The following ADGRL2 variants were observed in gnomAD, a reference collection of about 807,000 sequenced individuals.
ADGRL2 encodes the protein calcium-independent alpha-latrotoxin receptor 2.
A neutral mutation model predicts 157.4 loss-of-function variants in ADGRL2; 44 were observed. The observed-to-expected ratio is 0.28, with a 90% CI of 0.22 to 0.36. The LOEUF (loss-of-function observed/expected upper bound fraction) is 0.36. ADGRL2 is among the 10% of genes least tolerant of loss of function. The probability of loss-of-function intolerance (pLI) is 1.00; values close to 1 mark genes in which losing one functional copy is unlikely to be tolerated. For synonymous variants in ADGRL2, 585 were observed against 624.7 expected (o/e 0.94, Z 0.95); for missense variants, 1,510 against 1,768.9 (o/e 0.85, Z 2.63).
chr1:81,979,949 G>C lies in ADGRL2; in HGVS notation c.3102G>C (p.Leu1034Phe). Residue 1034 changes from leucine to phenylalanine, a missense_variant, in exon 18 of 24, where the codon TTG becomes TTC. Leu to Phe is a conservative substitution (Grantham distance 22, BLOSUM62 0). Coordinates refer to ENST00000686636, the MANE Select transcript of ADGRL2 (RefSeq NM_001366006.2). ...SNTLKPDSSR[L>F]ENIKSWVLGA... ...CTTTGAAACCAGATTCTAGCAGGTT[G>C]GAAAACATTAAGTAAGTATTTTGTA... is the stretch of plus-strand genomic sequence containing the variant. The C allele has an allele frequency of 6.3e-7, 1 of 1,591,186 alleles. No individual in the cohort carries two copies. Among genetic ancestry groups the C allele is most frequent in the East Asian group, 2.2e-5 (1 of 44,568 alleles).
intron 2 of ADGRL2, among the ~76,000 whole-genome samples, chr1:81,869,811 T>G (rs1187300362): frequency 2.6e-5 from 4 of 152,068 alleles, no homozygotes; most frequent in Non-Finnish European, 5.9e-5. Context: ...ATTAAAATTT[T>G]TTAGATTTAA....
chr1:81,874,382 T>C (rs2093774562), intron 2 of ADGRL2, among the ~76,000 whole-genome samples: 1 of 152,142 alleles, frequency 6.6e-6, no homozygotes, highest in Admixed American at 6.6e-5. Flanking sequence ...TTATCAAAAG[T>C]AACAGTCAAC....
At chr1:81,829,981 C>T (rs910777712) in intron 1 of ADGRL2, among the ~76,000 whole-genome samples, 2 of 152,128 alleles carry the variant, frequency 1.3e-5, no homozygotes, top group Non-Finnish European at 2.9e-5. Context: ...GTACACGTCT[C>T]AAGGAAACAC....
At chr1:81,501,208 TA>T (rs921649757) in intron 2 of ADGRL2, among the ~76,000 whole-genome samples, 6 of 152,260 alleles carry the variant, frequency 3.9e-5, no homozygotes, top group African/African-American at 1.4e-4. Flanking sequence ...CTTGGATTTA[TA>T]AAACTTACTC....
chr1:81,540,167 C>T (rs2079847616), intron 2 of ADGRL2, among the ~76,000 whole-genome samples: 1 of 152,054 alleles, frequency 6.6e-6, no homozygotes, highest in African/African-American at 2.4e-5. Flanking sequence ...AGTATAATAG[C>T]CAGGACATCA....
At chr1:81,460,828 T>C (rs984197144) in intron 2 of ADGRL2, among the ~76,000 whole-genome samples, 3 of 152,236 alleles carry the variant, frequency 2.0e-5, no homozygotes, top group Non-Finnish European at 4.4e-5. Flanking sequence ...ATAGGAAACA[T>C]TGCAGTGGAC....
intron 11 of ADGRL2, among the ~76,000 whole-genome samples, chr1:81,965,450 T>C (rs1656769799): frequency 1.3e-5 from 2 of 152,194 alleles, no homozygotes; most frequent in Non-Finnish European, 2.9e-5. Context: ...TGGGAAGTTT[T>C]AACATAATGA....
intron 1 of ADGRL2, among the ~76,000 whole-genome samples, chr1:81,316,840 C>A (rs1046293512): frequency 1.3e-5 from 2 of 152,116 alleles, no homozygotes; most frequent in African/African-American, 4.8e-5. Context: ...TTGTAAACAT[C>A]CAGATCCCAG....
chr1:81,841,322 A>G (rs1040186030), intron 2 of ADGRL2, among the ~76,000 whole-genome samples: 11 of 152,254 alleles, frequency 7.2e-5, no homozygotes, highest in African/African-American at 2.6e-4. Context: ...GCCAGTTTTT[A>G]CTGTACTTTT....
In ADGRL2 at chr1:81,863,758, G is replaced by A. The variant is rs114977651; in HGVS notation, c.73+26701G>A. Among the ~76,000 whole-genome samples, 746 of 152,264 alleles carry A rather than the reference G, an allele frequency of 4.9e-3. 5 individuals carry two copies. Among genetic ancestry groups the A allele is most frequent in the Non-Finnish European group, 6.3e-3 (430 of 68,024 alleles). On this transcript the variant is annotated intron_variant, in intron 2 of 23. Transcript: ENST00000686636. ...AGAGCATGTTTTCTCACAAAGATACGTAGTTGATTTGTACATATTTAGCTG... is the reference window on the plus strand; with the variant it reads ...AGAGCATGTTTTCTCACAAAGATACATAGTTGATTTGTACATATTTAGCTG...
At chr1:81,431,151 T>C (rs1278656005) in intron 1 of ADGRL2, among the ~76,000 whole-genome samples, 1 of 152,176 alleles carries the variant, frequency 6.6e-6, no homozygotes, top group African/African-American at 2.4e-5. Flanking sequence ...CTGTTCTCTG[T>C]CTCCTCCTAA....
chr1:81,513,810 T>C (rs2148109385), intron 2 of ADGRL2: 1 of 152,332 alleles, frequency 6.6e-6, no homozygotes. Flanking sequence ...GTTTCTAAAA[T>C]ACAGCTGCAT....
At chr1:81,778,093 G>A (rs1477008371) in intron 2 of ADGRL2, among the ~76,000 whole-genome samples, 2 of 152,132 alleles carry the variant, frequency 1.3e-5, no homozygotes, top group Non-Finnish European at 2.9e-5. Flanking sequence ...GGCTGGGTCG[G>A]GCGTATTACG....
intron 1 of ADGRL2, among the ~76,000 whole-genome samples, chr1:81,711,614 C>A (rs963007334): frequency 1.3e-5 from 2 of 151,882 alleles, no homozygotes; most frequent in African/African-American, 4.8e-5. Context: ...TGTTTTATTG[C>A]AAGTGTGAGG....
Position 81,505,220 on chromosome 1 carries a change from A to G in ADGRL2, c.-248+60131A>G, listed in dbSNP as rs1293889945. 12 of 534,854 alleles carry G rather than the reference A, an allele frequency of 2.2e-5. No homozygotes were observed. The Admixed American group carries it at 2.4e-4, about 11-fold the overall frequency. The allele number at this position is 534,854 out of a possible 1,614,324, so 33.1% of individuals were successfully genotyped here. A position where few individuals can be genotyped will look rare whatever the true frequency, so the allele number is the denominator to read the frequency against. ...CTCCCACACACACACACACACACAC[A>G]CACACACACCATCTCCCGAGGGCTG... On this transcript the variant is annotated intron_variant, in intron 2 of 24. Transcript: ENST00000370721.
chr1:81,554,534 C>T (rs2080227358), intron 2 of ADGRL2, among the ~76,000 whole-genome samples: 1 of 151,482 alleles, frequency 6.6e-6, no homozygotes, highest in Non-Finnish European at 1.5e-5. Context: ...ATGGCAATAA[C>T]TGGTACATAC....
intron 2 of ADGRL2, among the ~76,000 whole-genome samples, chr1:81,900,982 A>C (rs284225): frequency 1.3e-5 from 2 of 152,016 alleles, no homozygotes; most frequent in East Asian, 3.9e-4. Context: ...ACACACTGTG[A>C]GGGCAGAGAT....
chr1:81,889,092 CAA>C (rs1398476235), intron 2 of ADGRL2, among the ~76,000 whole-genome samples: 1 of 152,076 alleles, frequency 6.6e-6, no homozygotes, highest in Non-Finnish European at 1.5e-5. Context: ...CCCTGAGACA[CAA>C]AAATTTTGAA....
intron 3 of ADGRL2, among the ~76,000 whole-genome samples, chr1:81,640,992 T>A (rs2082209352): frequency 6.6e-6 from 1 of 152,238 alleles, no homozygotes; most frequent in African/African-American, 2.4e-5. Flanking sequence ...GAGAAACAAC[T>A]TTGAAAGGAT....
Sources: gnomAD v4.1 joint callset for allele counts (sites outside exome capture counted in the v4.1 genomes callset) on GRCh38, gnomAD v4.1.1 for gene constraint, MANE v1.5 for transcripts, NCBI Gene and HGNC (gene_info 2026-07-23, HGNC 2026-07-21) for gene names.